The following CCNY variants were observed in gnomAD, a reference collection of about 807,000 sequenced individuals.
The protein encoded by CCNY is cyclin-Y.
In CCNY, 19 loss-of-function variants were observed where a neutral mutation model predicts 42.8. The ratio of observed to expected loss-of-function variants is 0.44; its 90% CI spans 0.31 to 0.65. The LOEUF (loss-of-function observed/expected upper bound fraction) is 0.65. Ranked by LOEUF, CCNY falls within the 30% of genes least tolerant of loss-of-function variation. CCNY has a pLI of 0.07. For missense variants in CCNY, 370 were observed against 437.3 expected (o/e 0.85, Z 1.37); for synonymous variants, 165 against 162.7 (o/e 1.01, Z -0.11).
intron 1 of CCNY, among the ~76,000 whole-genome samples, chr10:35,402,738 A>G (rs541781674): frequency 1.5e-4 from 23 of 152,204 alleles, no homozygotes; most frequent in Non-Finnish European, 3.1e-4. Flanking sequence ...GGACTTCATC[A>G]GGGTGAAAGT....
intron 8 of CCNY, among the ~76,000 whole-genome samples, chr10:35,557,113 AT>A (rs1351830193): frequency 6.6e-6 from 1 of 151,972 alleles, no homozygotes; most frequent in Non-Finnish European, 1.5e-5. Flanking sequence ...TAATTTGAAA[AT>A]TTTTATCCCA....
At chr10:35,323,370 G>A (rs1835843398) in intron 3 of CCNY, among the ~76,000 whole-genome samples, 1 of 152,078 alleles carries the variant, frequency 6.6e-6, no homozygotes, top group Admixed American at 6.6e-5. Context: ...AGACAAAACT[G>A]GACAAAGCCT....
chr10:35,472,135 T>C (rs774006548), intron 1 of CCNY, among the ~76,000 whole-genome samples: 1 of 152,210 alleles, frequency 6.6e-6, no homozygotes, highest in Non-Finnish European at 1.5e-5. Context: ...GGGACCCTAT[T>C]GTGTGGTGGA....
chr10:35,311,764 T>C (rs760436172), intron 3 of CCNY, among the ~76,000 whole-genome samples: 19 of 146,304 alleles, frequency 1.3e-4, no homozygotes, highest in Non-Finnish European at 1.9e-4. Context: ...GGTGGGAGGA[T>C]TGCTTAAGCA....
intron 4 of CCNY, among the ~76,000 whole-genome samples, chr10:35,519,271 T>C (rs1840495220): frequency 6.6e-6 from 1 of 152,056 alleles, no homozygotes; most frequent in South Asian, 2.1e-4. Flanking sequence ...ACTGTGAGTA[T>C]CTGGATTTTT....
intron 5 of CCNY, among the ~76,000 whole-genome samples, chr10:35,526,484 CAG>C (rs1049056347): frequency 1.1e-4 from 17 of 152,142 alleles, no homozygotes; most frequent in African/African-American, 4.1e-4. Context: ...TCAGTTAAAA[CAG>C]GGAGTGAAAA....
chr10:35,396,095 G>A (rs988195275), intron 1 of CCNY, among the ~76,000 whole-genome samples: 121 of 152,160 alleles, frequency 8.0e-4, no homozygotes, highest in Middle Eastern at 3.4e-3. Context: ...TCATCCTCTC[G>A]TCCCCAGCAT....
Position 35,258,050 on chromosome 10 carries a change from T to C in CCNY, c.-9+7424T>C, listed in dbSNP as rs565734330. Among the ~76,000 whole-genome samples, 12 of 152,364 alleles carry C rather than the reference T, an allele frequency of 7.9e-5. No homozygotes were observed. In the East Asian group the frequency reaches 2.3e-3, roughly 29 times the overall value. The stretch of plus-strand genomic sequence containing the variant: ...TCCCTCTAGTGAATTTTTCATTTTA[T>C]TGTGCTTTTCAGCTCTAGAATTTTT... On this transcript the variant is annotated intron_variant, in intron 3 of 11. Coordinates refer to the CCNY transcript ENST00000374706.
chr10:35,450,478 A>C (rs1589129598), intron 1 of CCNY, among the ~76,000 whole-genome samples: 1 of 152,012 alleles, frequency 6.6e-6, no homozygotes, highest in Non-Finnish European at 1.5e-5. Flanking sequence ...CTGGGCTGAG[A>C]GCTTGATTGC....
At chr10:35,527,409 C>G (rs1471143631) in intron 5 of CCNY, among the ~76,000 whole-genome samples, 1 of 152,070 alleles carries the variant, frequency 6.6e-6, no homozygotes, top group Non-Finnish European at 1.5e-5. Flanking sequence ...TATGATGGAT[C>G]CTGAAGTGAA....
At chr10:35,504,861 C>G (rs965766613) in intron 3 of CCNY, among the ~76,000 whole-genome samples, 1 of 151,992 alleles carries the variant, frequency 6.6e-6, no homozygotes, top group Non-Finnish European at 1.5e-5. Context: ...GGTCTTGAAC[C>G]CCTGACCTCA....
intron 1 of CCNY, among the ~76,000 whole-genome samples, chr10:35,380,453 C>T (rs966433689): frequency 6.6e-6 from 1 of 152,120 alleles, no homozygotes; most frequent in African/African-American, 2.4e-5. Flanking sequence ...ATTTCTCTTA[C>T]GTGTTGTATT....
At chr10:35,347,100 A>G (rs934158565) in intron 1 of CCNY, among the ~76,000 whole-genome samples, 24 of 152,242 alleles carry the variant, frequency 1.6e-4, no homozygotes, top group African/African-American at 5.1e-4. Context: ...CTTGCATTAA[A>G]AAGTACTTCA....
At chr10:35,323,524 TACA>T (rs143074224) in intron 3 of CCNY, among the ~76,000 whole-genome samples, 43,526 of 151,900 alleles carry the variant, frequency 0.29, 6,480 homozygotes, top group Admixed American at 0.35. Context: ...AAAGAAACCT[TACA>T]CACAAGAGTC....
chr10:35,383,592 GC>G (rs1837240342), intron 1 of CCNY, among the ~76,000 whole-genome samples: 1 of 152,186 alleles, frequency 6.6e-6, no homozygotes, highest in South Asian at 2.1e-4. Flanking sequence ...ACAGGCATGA[GC>G]CCTCGTGCCT....
intron 3 of CCNY, among the ~76,000 whole-genome samples, chr10:35,290,086 C>T (rs1014768664): frequency 6.6e-6 from 1 of 151,654 alleles, no homozygotes; most frequent in Non-Finnish European, 1.5e-5. Context: ...ATTAGCCTGG[C>T]GTGGTGGCAT....
intron 1 of CCNY, among the ~76,000 whole-genome samples, chr10:35,465,905 A>AAGAGAGAGAGAGAGAGAGAGAGAGAG (rs56166429): frequency 2.0e-5 from 2 of 99,218 alleles, no homozygotes; most frequent in Admixed American, 1.1e-4. Context: ...GGGTAGGGGG[A>AAGAGAGAGAGAGAGAGAGAGAGAGAG]AGAGAGAGAG....
intron 1 of CCNY, among the ~76,000 whole-genome samples, chr10:35,346,952 T>G (rs1313331275): frequency 6.6e-6 from 1 of 152,234 alleles, no homozygotes; most frequent in Non-Finnish European, 1.5e-5. Context: ...GAAACTTTTT[T>G]GTTATTGTTT....
At chr10:35,342,199 T>A (rs1836196188) in intron 1 of CCNY, among the ~76,000 whole-genome samples, 1 of 152,198 alleles carries the variant, frequency 6.6e-6, no homozygotes, top group Non-Finnish European at 1.5e-5. Flanking sequence ...TCTAAGTGCC[T>A]GTAGGATGAG....
Sources: gnomAD v4.1 joint callset for allele counts (sites outside exome capture counted in the v4.1 genomes callset) on GRCh38, gnomAD v4.1.1 for gene constraint, MANE v1.5 for transcripts, NCBI Gene and HGNC (gene_info 2026-07-23, HGNC 2026-07-21) for gene names.